GRM1: variants seen among roughly 807,000 people sequenced by gnomAD.
GRM1 encodes glutamate metabotropic receptor 1.
In GRM1, 33 loss-of-function variants were observed where a neutral mutation model predicts 90.9. That is an observed-to-expected ratio of 0.36 (90% CI 0.28 to 0.49). GRM1 has a LOEUF of 0.49. GRM1 is among the 20% of genes least tolerant of loss of function. The probability of loss-of-function intolerance (pLI) is 0.99; values close to 1 mark genes in which losing one functional copy is unlikely to be tolerated. For synonymous variants in GRM1, 700 were observed against 613.2 expected (o/e 1.14, Z -2.09); for missense variants, 1,190 against 1,534.3 (o/e 0.78, Z 3.75).
intron 2 of GRM1, among the ~76,000 whole-genome samples, chr6:146,279,458 AT>A (rs940838449): frequency 3.9e-5 from 6 of 152,154 alleles, no homozygotes; most frequent in Non-Finnish European, 8.8e-5. Flanking sequence ...AGATATAAAA[AT>A]TTTTTAACCA....
At chr6:146,162,453 T>C (rs1156399385) in intron 2 of GRM1, among the ~76,000 whole-genome samples, 1 of 152,214 alleles carries the variant, frequency 6.6e-6, no homozygotes, top group African/African-American at 2.4e-5. Context: ...GGACAACTTG[T>C]CACCACTTCC....
At chr6:146,192,557 G>C (rs116609715) in intron 2 of GRM1, among the ~76,000 whole-genome samples, 1 of 152,096 alleles carries the variant, frequency 6.6e-6, no homozygotes, top group African/African-American at 2.4e-5. Context: ...AATGATTGTC[G>C]TTAGCTTATC....
intron 2 of GRM1, among the ~76,000 whole-genome samples, chr6:146,265,051 G>C (rs1487378647): frequency 6.6e-6 from 1 of 152,006 alleles, no homozygotes; most frequent in African/African-American, 2.4e-5. Flanking sequence ...AAATACCCAG[G>C]AGTGAGATTG....
intron 2 of GRM1, among the ~76,000 whole-genome samples, chr6:146,223,955 A>G (rs1046251475): frequency 7.2e-5 from 11 of 152,066 alleles, no homozygotes; most frequent in African/African-American, 2.4e-4. Context: ...CCAGGCATAT[A>G]ATGTAGTTTC....
At chr6:146,398,636 A>AT in intron 6 of GRM1, 133 bp from the exon 7 acceptor site, 1 of 763,940 alleles carries the variant, frequency 1.3e-6, no homozygotes, top group South Asian at 1.4e-5. Flanking sequence ...AATAGTGTGC[A>AT]TTTTTAAAAA....
intron 1 of GRM1, among the ~76,000 whole-genome samples, chr6:146,041,528 A>G (rs535486421): frequency 2.0e-5 from 3 of 151,988 alleles, no homozygotes; most frequent in South Asian, 4.2e-4. Context: ...AGCACTGCCC[A>G]TTCTGGATTG....
intron 4 of GRM1, among the ~76,000 whole-genome samples, chr6:146,353,368 G>A (rs186568349): frequency 3.9e-5 from 6 of 152,284 alleles, no homozygotes; most frequent in African/African-American, 1.4e-4. Context: ...GTCAGTCTAC[G>A]ATGTCCCAGA....
intron 5 of GRM1, among the ~76,000 whole-genome samples, chr6:146,380,310 C>T (rs1234251951): frequency 6.6e-6 from 1 of 152,076 alleles, no homozygotes; most frequent in East Asian, 1.9e-4. Context: ...TGAGCTGGCA[C>T]TCAAACCACA....
intron 3 of GRM1, among the ~76,000 whole-genome samples, chr6:146,335,006 A>T (rs1287906584): frequency 1.3e-5 from 2 of 152,126 alleles, no homozygotes; most frequent in East Asian, 3.9e-4. Flanking sequence ...ATGAGAAAAA[A>T]TTATCCATTA....
At chr6:146,134,953 A>G (rs544075942) in intron 1 of GRM1, among the ~76,000 whole-genome samples, 57 of 152,030 alleles carry the variant, frequency 3.7e-4, no homozygotes, top group African/African-American at 1.4e-3. Flanking sequence ...AAACAAAACA[A>G]AAAGAACAGC....
At chr6:146,097,330 C>A (rs957739336) in intron 1 of GRM1, among the ~76,000 whole-genome samples, 1 of 151,848 alleles carries the variant, frequency 6.6e-6, no homozygotes, top group African/African-American at 2.4e-5. Context: ...TTTGATGATT[C>A]TAAAAATTTT....
At chr6:146,405,248 A>T (rs1562674888) in intron 7 of GRM1, among the ~76,000 whole-genome samples, 1 of 152,174 alleles carries the variant, frequency 6.6e-6, no homozygotes, top group Non-Finnish European at 1.5e-5. Flanking sequence ...AGATTTGAAG[A>T]TCAATTGTCA....
chr6:146,368,643 G>A (rs1208463754), intron 5 of GRM1, among the ~76,000 whole-genome samples: 1 of 151,786 alleles, frequency 6.6e-6, no homozygotes, highest in Non-Finnish European at 1.5e-5. Flanking sequence ...TATCGTTTTT[G>A]TTCTTCATTA....
chr6:146,111,855 GT>G (rs1157022844), intron 1 of GRM1, among the ~76,000 whole-genome samples: 3 of 152,152 alleles, frequency 2.0e-5, no homozygotes, highest in Admixed American at 1.3e-4. Context: ...AGAAAAGCTC[GT>G]GATACAATGC....
At chr6:146,411,737 A>T (rs1250043889) in intron 7 of GRM1, among the ~76,000 whole-genome samples, 1 of 152,190 alleles carries the variant, frequency 6.6e-6, no homozygotes, top group Non-Finnish European at 1.5e-5. Context: ...AACAAAAGTA[A>T]AAGTAAAGTT....
At chr6:146,333,563 A>C (rs1784659593) in intron 3 of GRM1, among the ~76,000 whole-genome samples, 2 of 152,192 alleles carry the variant, frequency 1.3e-5, no homozygotes. Context: ...TGACAGTTAT[A>C]TCTTACTCTA....
chr6:146,034,676 C>T (rs186890044), intron 1 of GRM1, among the ~76,000 whole-genome samples: 1 of 151,926 alleles, frequency 6.6e-6, no homozygotes, highest in African/African-American at 2.4e-5. Context: ...AGATAAGGGT[C>T]GAAAGTAAAG....
intron 3 of GRM1, among the ~76,000 whole-genome samples, chr6:146,350,202 A>G (rs1449107088): frequency 6.6e-6 from 1 of 152,264 alleles, no homozygotes; most frequent in Non-Finnish European, 1.5e-5. Context: ...TGTACTGGGG[A>G]CACCAACATA....
chr6:146,145,189 T>C (rs1430528587), intron 1 of GRM1, among the ~76,000 whole-genome samples: 1 of 152,166 alleles, frequency 6.6e-6, no homozygotes, highest in South Asian at 2.1e-4. Context: ...AACCCTCACT[T>C]TGGCACATAA....
Sources: gnomAD v4.1 joint callset for allele counts (sites outside exome capture counted in the v4.1 genomes callset) on GRCh38, gnomAD v4.1.1 for gene constraint, MANE v1.5 for transcripts, NCBI Gene and HGNC (gene_info 2026-07-23, HGNC 2026-07-21) for gene names.